Variants in SPMIP11 observed in about 807,000 individuals in gnomAD.
SPMIP11 encodes long intergenic non-protein coding RNA 935.
At chr12:48,739,506 T>C in the SPMIP11 span, among the ~76,000 whole-genome samples, 1 of 151,258 alleles carries the variant, frequency 6.6e-6, no homozygotes, top group African/African-American at 2.4e-5. Context: ...AAGAATTACC[T>C]GAGACTGAGT....
the SPMIP11 span, among the ~76,000 whole-genome samples, chr12:48,736,463 G>A: frequency 6.6e-6 from 1 of 150,686 alleles, no homozygotes; most frequent in South Asian, 2.1e-4. Flanking sequence ...TCATTTGTTG[G>A]TTCTATATGT....
the SPMIP11 span, among the ~76,000 whole-genome samples, chr12:48,745,252 TG>T: frequency 6.7e-6 from 1 of 149,952 alleles, no homozygotes; most frequent in East Asian, 2.0e-4. Flanking sequence ...CACTCCAGCC[TG>T]GGGGGCAGTG....
At chr12:48,744,449 G>C in the SPMIP11 span, among the ~76,000 whole-genome samples, 6 of 151,910 alleles carry the variant, frequency 3.9e-5, no homozygotes, top group Admixed American at 3.3e-4. Flanking sequence ...GCACTTGTGG[G>C]CTGGCCAGGT....
chr12:48,769,913 C>T, the SPMIP11 span, among the ~76,000 whole-genome samples: 1 of 151,942 alleles, frequency 6.6e-6, no homozygotes, highest in African/African-American at 2.4e-5. Flanking sequence ...AGGCGCCCAC[C>T]ACCACACCCG....
At chr12:48,768,699 G>A in the SPMIP11 span, 17 of 1,614,006 alleles carry the variant, frequency 1.1e-5, no homozygotes, top group East Asian at 2.2e-4. Flanking sequence ...CTAGAACCTG[G>A]TACAGGTCCG....
chr12:48,727,716 C>A, the SPMIP11 span, among the ~76,000 whole-genome samples: 397 of 152,288 alleles, frequency 2.6e-3, 4 homozygotes, highest in African/African-American at 9.0e-3. Flanking sequence ...GGGACAATAT[C>A]CTTTCAGCTT....
chr12:48,743,610 C>A, the SPMIP11 span, among the ~76,000 whole-genome samples: 1 of 151,978 alleles, frequency 6.6e-6, no homozygotes, highest in Non-Finnish European at 1.5e-5. Context: ...AGTTCAAGAC[C>A]AGCCTGGGCA....
At chr12:48,763,797 T>A in the SPMIP11 span, among the ~76,000 whole-genome samples, 1 of 150,658 alleles carries the variant, frequency 6.6e-6, no homozygotes, top group African/African-American at 2.4e-5. Context: ...TCCTGCCTCA[T>A]CCTACTGAGT....
chr12:48,762,082 T>A, the SPMIP11 span, among the ~76,000 whole-genome samples: 1 of 121,940 alleles, frequency 8.2e-6, no homozygotes, highest in Non-Finnish European at 1.6e-5. Flanking sequence ...TGAGACGGAG[T>A]CTCTCTCACT....
the SPMIP11 span, among the ~76,000 whole-genome samples, chr12:48,730,724 G>A: frequency 3.9e-5 from 6 of 152,136 alleles, no homozygotes; most frequent in African/African-American, 1.2e-4. Flanking sequence ...GATCACCTGA[G>A]GTCAGGAGTT....
the SPMIP11 span, among the ~76,000 whole-genome samples, chr12:48,745,349 A>G: frequency 6.6e-6 from 1 of 151,934 alleles, no homozygotes; most frequent in Non-Finnish European, 1.5e-5. Context: ...CACATCATAC[A>G]CAAAAATAAA....
chr12:48,727,470 G>A, the SPMIP11 span: 1 of 702,866 alleles, frequency 1.4e-6, no homozygotes, highest in African/African-American at 1.7e-5. Flanking sequence ...AGAGGCCAGG[G>A]AGGATCTGAG....
chr12:48,762,220 G>A, the SPMIP11 span, among the ~76,000 whole-genome samples: 48 of 148,336 alleles, frequency 3.2e-4, no homozygotes, highest in African/African-American at 1.0e-3. Flanking sequence ...CACCATGCCC[G>A]GCTAATTTTT....
the SPMIP11 span, among the ~76,000 whole-genome samples, chr12:48,758,642 T>C: frequency 4.6e-5 from 7 of 152,220 alleles, no homozygotes; most frequent in Non-Finnish European, 5.9e-5. Flanking sequence ...AGGTAGCCAC[T>C]ATAATACACC....
the SPMIP11 span, among the ~76,000 whole-genome samples, chr12:48,757,208 C>T: frequency 6.6e-6 from 1 of 152,084 alleles, no homozygotes; most frequent in African/African-American, 2.4e-5. Flanking sequence ...CCCTAAACAG[C>T]TTTCCTTTTC....
chr12:48,770,768 A>G, the SPMIP11 span: 2 of 1,613,670 alleles, frequency 1.2e-6, no homozygotes, highest in Admixed American at 1.7e-5. Context: ...CCTCTTACCA[A>G]TCTTCATCTG....
the SPMIP11 span, chr12:48,766,196 T>C: frequency 1.3e-5 from 2 of 152,696 alleles, no homozygotes; most frequent in South Asian, 2.1e-4. Flanking sequence ...ACAGAGAATT[T>C]TACAAAGAGT....
At chr12:48,760,531 GTTA>G in the SPMIP11 span, among the ~76,000 whole-genome samples, 1 of 149,678 alleles carries the variant, frequency 6.7e-6, no homozygotes, top group Non-Finnish European at 1.5e-5. Context: ...GTTGTTGTTT[GTTA>G]TTGTTGTTTT....
chr12:48,727,897 AC>A, the SPMIP11 span, among the ~76,000 whole-genome samples: 1 of 152,058 alleles, frequency 6.6e-6, no homozygotes, highest in South Asian at 2.1e-4. Flanking sequence ...GAAAAGTTAC[AC>A]AAATTAGCTG....
Sources: allele counts gnomAD v4.1 joint callset (sites outside exome capture counted in the v4.1 genomes callset), GRCh38; gene constraint gnomAD v4.1.1; transcripts MANE v1.5; gene names NCBI Gene and HGNC (gene_info 2026-07-23, HGNC 2026-07-21).